The following CTNNA3 variants were observed in gnomAD, a reference collection of about 807,000 sequenced individuals.
The protein encoded by CTNNA3 is catenin alpha 3.
CTNNA3 carries 76 observed loss-of-function variants against 95.7 expected under a neutral mutation model. The observed-to-expected ratio is 0.79, with a 90% confidence interval of 0.66 to 0.96. CTNNA3 has a LOEUF of 0.96. CTNNA3 is among the 40% of genes least tolerant of loss of function. The probability of loss-of-function intolerance (pLI) is 0.00; values close to 1 mark genes in which losing one functional copy is unlikely to be tolerated. For missense variants in CTNNA3, 1,191 were observed against 1,089.8 expected (o/e 1.09, Z -1.31); for synonymous variants, 431 against 374.4 (o/e 1.15, Z -1.74).
At chr10:66,109,866 C>CAA (rs201092050) in intron 13 of CTNNA3, among the ~76,000 whole-genome samples, 5,398 of 140,754 alleles carry the variant, frequency 0.038, 301 homozygotes, top group African/African-American at 0.12. Context: ...ACTTAAAGTA[C>CAA]AAAAAAAAAA....
At chr10:66,531,675 C>A (rs989314973) in intron 10 of CTNNA3, among the ~76,000 whole-genome samples, 1 of 151,920 alleles carries the variant, frequency 6.6e-6, no homozygotes, top group African/African-American at 2.4e-5. Context: ...TTTAATATTC[C>A]AATTTTTTTA....
chr10:66,258,212 T>C (rs1003924123), intron 13 of CTNNA3, among the ~76,000 whole-genome samples: 1 of 152,156 alleles, frequency 6.6e-6, no homozygotes, highest in Non-Finnish European at 1.5e-5. Context: ...AAATACAGTG[T>C]TAGTATCAAA....
At chr10:66,786,286 C>A (rs1273757381) in intron 7 of CTNNA3, among the ~76,000 whole-genome samples, 3 of 152,028 alleles carry the variant, frequency 2.0e-5, no homozygotes, top group Non-Finnish European at 4.4e-5. Flanking sequence ...TTGCTGGGAC[C>A]CTAACTGATA....
chr10:67,368,089 A>G (rs1211245203), intron 5 of CTNNA3, among the ~76,000 whole-genome samples: 1 of 152,158 alleles, frequency 6.6e-6, no homozygotes, highest in Non-Finnish European at 1.5e-5. Context: ...TGAATGAAAA[A>G]GTACACCACG....
At chr10:66,194,435 C>T (rs7904398) in intron 13 of CTNNA3, among the ~76,000 whole-genome samples, 78,591 of 151,678 alleles carry the variant, frequency 0.52, 20,754 homozygotes, top group South Asian at 0.62. Flanking sequence ...CAAAAATTAG[C>T]CATGCATGGT....
chr10:67,140,382 C>A (rs1860499735), intron 7 of CTNNA3, among the ~76,000 whole-genome samples: 1 of 152,034 alleles, frequency 6.6e-6, no homozygotes, highest in Non-Finnish European at 1.5e-5. Flanking sequence ...GCAAAATGGG[C>A]TGCATTAATA....
At chr10:65,969,235 A>AAAGGGT (rs2078044508) in intron 16 of CTNNA3, among the ~76,000 whole-genome samples, 1 of 152,024 alleles carries the variant, frequency 6.6e-6, no homozygotes, top group Admixed American at 6.6e-5. Context: ...AGGGAAAGGG[A>AAAGGGT]AAGAAAAAAA....
chr10:67,255,025 G>A (rs1462921718), intron 5 of CTNNA3, among the ~76,000 whole-genome samples: 1 of 152,156 alleles, frequency 6.6e-6, no homozygotes. Flanking sequence ...GCCGGGCATG[G>A]TGGCTCACGA....
intron 7 of CTNNA3, among the ~76,000 whole-genome samples, chr10:67,017,727 G>C (rs112624487): frequency 1.0e-5 from 1 of 98,300 alleles, no homozygotes; most frequent in Admixed American, 9.6e-5. Flanking sequence ...AAAATCATCT[G>C]TGTGTGTGTG....
Position 67,392,359 on chromosome 10 carries a change from C to T in CTNNA3, c.579+129483G>A, listed in dbSNP as rs1186192213. Reference sequence around the variant, plus strand: ...TGCAAATCAAAACCACAATGAGATACCATCTCACACCAGTTAGAATGGCGA... The same window carrying T: ...TGCAAATCAAAACCACAATGAGATATCATCTCACACCAGTTAGAATGGCGA... On this transcript the variant is annotated intron_variant, in intron 5 of 17. Coordinates refer to ENST00000433211, the MANE Select transcript of CTNNA3 (RefSeq NM_013266.4). 5.3e-5 allele frequency among the ~76,000 whole-genome samples: 8 copies of T among 152,272 alleles called. 1 individual carries two copies. In the South Asian group the frequency reaches 8.3e-4, roughly 16 times the overall value.
At chr10:66,990,088 C>T (rs1312021105) in intron 7 of CTNNA3, among the ~76,000 whole-genome samples, 1 of 152,114 alleles carries the variant, frequency 6.6e-6, no homozygotes, top group Non-Finnish European at 1.5e-5. Context: ...TTGGAGAAGT[C>T]TTCATTTTCT....
intron 7 of CTNNA3, among the ~76,000 whole-genome samples, chr10:66,901,359 A>C (rs943346815): frequency 2.0e-5 from 3 of 152,340 alleles, no homozygotes; most frequent in Non-Finnish European, 2.9e-5. Flanking sequence ...TCTGCCTTAC[A>C]AGAGCTCCTG....
At chr10:66,842,677 T>C (rs1313845725) in intron 7 of CTNNA3, among the ~76,000 whole-genome samples, 1 of 152,152 alleles carries the variant, frequency 6.6e-6, no homozygotes, top group African/African-American at 2.4e-5. Flanking sequence ...CAGTTTGAAA[T>C]GTAGTAGGAT....
chr10:66,618,171 A>G (rs529104036), intron 10 of CTNNA3, among the ~76,000 whole-genome samples: 1 of 152,164 alleles, frequency 6.6e-6, no homozygotes, highest in African/African-American at 2.4e-5. Flanking sequence ...ATCCCCATCA[A>G]GCTACCAATG....
chr10:67,706,877 T>C (rs913171757), intron 1 of CTNNA3, among the ~76,000 whole-genome samples: 2 of 152,198 alleles, frequency 1.3e-5, no homozygotes, highest in African/African-American at 2.4e-5. Context: ...GCCTTGTCCA[T>C]CTGAATAAAC....
At chr10:67,727,232 T>G (rs1841240156) in intron 1 of CTNNA3, among the ~76,000 whole-genome samples, 1 of 125,224 alleles carries the variant, frequency 8.0e-6, no homozygotes, top group Admixed American at 9.4e-5. Context: ...TATTACATAT[T>G]ATATACTACA....
chr10:66,212,567 G>T (rs1050792707), intron 13 of CTNNA3, among the ~76,000 whole-genome samples: 3 of 151,920 alleles, frequency 2.0e-5, no homozygotes, highest in Non-Finnish European at 4.4e-5. Flanking sequence ...TTTGAAGAGG[G>T]TGCAACAAAG....
intron 5 of CTNNA3, among the ~76,000 whole-genome samples, chr10:67,256,039 C>CA (rs546019520): frequency 0.015 from 2,157 of 144,582 alleles, 20 homozygotes; most frequent in Non-Finnish European, 0.022. Flanking sequence ...AGAACAGCAG[C>CA]AAAAAAAAAA....
chr10:67,566,054 T>TATATATATATATATATATAC (rs1841773175), intron 3 of CTNNA3, among the ~76,000 whole-genome samples: 1 of 85,302 alleles, frequency 1.2e-5, no homozygotes, highest in Non-Finnish European at 2.3e-5. Context: ...TATATATATA[T>TATATATATATATATATATAC]ATATATATAT....
Sources: gnomAD v4.1 joint callset for allele counts (sites outside exome capture counted in the v4.1 genomes callset) on GRCh38, gnomAD v4.1.1 for gene constraint, MANE v1.5 for transcripts, NCBI Gene and HGNC (gene_info 2026-07-23, HGNC 2026-07-21) for gene names.